Variants in SPSB4 observed in about 807,000 individuals in gnomAD.
SPSB4 encodes SPRY domain-containing SOCS box protein 4.
Under a neutral mutation model 20.9 loss-of-function variants are expected in SPSB4, and 21 were observed. The ratio of observed to expected loss-of-function variants is 1.01; its 90% CI spans 0.71 to 1.45. The LOEUF (loss-of-function observed/expected upper bound fraction) is 1.45, where lower values mean the gene tolerates loss of function less well. Ranked by LOEUF, SPSB4 falls within the 40% of genes most tolerant of loss-of-function variation. SPSB4 has a pLI of 0.00. For missense variants in SPSB4, 399 were observed against 399.2 expected (o/e 1.00, Z 0.00); for synonymous variants, 207 against 183.8 (o/e 1.13, Z -1.02).
intron 2 of SPSB4, among the ~76,000 whole-genome samples, chr3:141,127,906 G>T (rs1294419336): frequency 1.3e-5 from 2 of 152,186 alleles, no homozygotes; most frequent in African/African-American, 4.8e-5. Flanking sequence ...GAAGCTCTTT[G>T]TTCCCAGTTC....
intron 2 of SPSB4, among the ~76,000 whole-genome samples, chr3:141,093,094 G>T (rs746590471): frequency 2.0e-5 from 3 of 152,076 alleles, no homozygotes; most frequent in Admixed American, 6.5e-5. Flanking sequence ...GGTGTCAGGA[G>T]CCCTATACCT....
At chr3:141,055,291 T>C (rs994007197) in intron 1 of SPSB4, among the ~76,000 whole-genome samples, 6 of 151,994 alleles carry the variant, frequency 3.9e-5, no homozygotes, top group African/African-American at 1.5e-4. Flanking sequence ...CAGTTCTGCT[T>C]CTGCTAGAAG....
chr3:141,135,659 A>G (rs1939215298), intron 2 of SPSB4, among the ~76,000 whole-genome samples: 1 of 152,144 alleles, frequency 6.6e-6, no homozygotes, highest in Non-Finnish European at 1.5e-5. Flanking sequence ...ATTTCCCTAC[A>G]AAGGACATGA....
intron 1 of SPSB4, among the ~76,000 whole-genome samples, chr3:141,065,211 C>T (rs571998837): frequency 6.6e-6 from 1 of 152,222 alleles, no homozygotes; most frequent in African/African-American, 2.4e-5. Flanking sequence ...GCCTGGACAC[C>T]GGCTCCCTTA....
intron 2 of SPSB4, among the ~76,000 whole-genome samples, chr3:141,073,910 G>T (rs1938053479): frequency 1.3e-5 from 2 of 152,294 alleles, no homozygotes; most frequent in African/African-American, 2.4e-5. Context: ...TTCAGAAACT[G>T]CCCCCTACCC....
rs374045968 is a variant in SPSB4, at chr3:141,113,848, C to T, written c.695-33294C>T. Among the ~76,000 whole-genome samples the T allele has an allele frequency of 5.3e-5, 8 of 152,332 alleles. No homozygotes were observed. In the East Asian group the frequency reaches 1.3e-3, roughly 26 times the overall value. On this transcript the variant is annotated intron_variant, in intron 2 of 2. Transcript: ENST00000310546. ...TGGTGGCTCACGACTGTAATCTCAG[C>T]ATTTTGGGAGGCCAAGGCGGGCAGA...
chr3:141,081,374 C>T (rs1938226404), intron 2 of SPSB4, among the ~76,000 whole-genome samples: 1 of 152,108 alleles, frequency 6.6e-6, no homozygotes, highest in African/African-American at 2.4e-5. Flanking sequence ...CTGAGGAGCC[C>T]CAGAGAGAGA....
intron 2 of SPSB4, among the ~76,000 whole-genome samples, chr3:141,087,759 G>A (rs1197955229): frequency 6.6e-6 from 1 of 152,166 alleles, no homozygotes; most frequent in African/African-American, 2.4e-5. Context: ...AGGCAAATGC[G>A]GGCAGGGCAG....
chr3:141,071,168 C>T (rs1023818355), intron 2 of SPSB4, among the ~76,000 whole-genome samples: 1 of 152,266 alleles, frequency 6.6e-6, no homozygotes, highest in Admixed American at 6.5e-5. Context: ...AATGTCTCGA[C>T]TGCTGTGAGG....
chr3:141,072,051 T>C (rs1451713921), intron 2 of SPSB4, among the ~76,000 whole-genome samples: 1 of 152,252 alleles, frequency 6.6e-6, no homozygotes, highest in Middle Eastern at 3.2e-3. Context: ...CCAGGACATC[T>C]GGACTTGGCC....
chr3:141,146,587 A>T (rs2107810145), intron 2 of SPSB4, among the ~76,000 whole-genome samples: 1 of 152,234 alleles, frequency 6.6e-6, no homozygotes, highest in African/African-American at 2.4e-5. Flanking sequence ...CATCCTGGCT[A>T]ACACAGTGAA....
intron 1 of SPSB4, among the ~76,000 whole-genome samples, chr3:141,063,547 A>AT (rs1420419016): frequency 1.3e-5 from 2 of 152,114 alleles, no homozygotes; most frequent in Non-Finnish European, 2.9e-5. Flanking sequence ...GCCAAAATGG[A>AT]TTTAATCTTT....
rs889304149 is a variant in SPSB4, at chr3:141,066,188, T to G, written c.84T>G (p.Gly28=). The change falls in exon 2 of 3, where the codon GGT becomes GGG. Residue 28 remains glycine (G), a synonymous_variant. Coordinates refer to ENST00000310546, the MANE Select transcript of SPSB4 (RefSeq NM_080862.3). ...GGCCGGCCAAGCGGGAGCTGCGGGG[T>G]GCAGAGCCCGGGCGGCCGGCGCGGC... ...ALRPAKRELR[G]AEPGRPARLD... is the part of the protein sequence containing the mutation. The G allele has an allele frequency of 1.3e-6, 2 of 1,531,632 alleles. No individual in the cohort carries two copies. Among genetic ancestry groups the G allele is most frequent in the African/African-American group, 2.8e-5 (2 of 70,740 alleles). The allele number at this position is 1,531,632 out of a possible 1,614,324, so 94.9% of individuals were successfully genotyped here. A position where few individuals can be genotyped will look rare whatever the true frequency, so the allele number is the denominator to read the frequency against.
At chr3:141,138,634 A>T (rs181022081) in intron 2 of SPSB4, among the ~76,000 whole-genome samples, 1 of 151,702 alleles carries the variant, frequency 6.6e-6, no homozygotes, top group Non-Finnish European at 1.5e-5. Flanking sequence ...TTTCCATGCA[A>T]TTGAGTGGTT....
chr3:141,056,927 C>T (rs1937656493), intron 1 of SPSB4, among the ~76,000 whole-genome samples: 1 of 152,250 alleles, frequency 6.6e-6, no homozygotes, highest in African/African-American at 2.4e-5. Flanking sequence ...TAGCAAACCT[C>T]CTTCATCCCA....
chr3:141,054,380 C>T (rs1159936544), intron 1 of SPSB4, among the ~76,000 whole-genome samples: 1 of 152,134 alleles, frequency 6.6e-6, no homozygotes, highest in Non-Finnish European at 1.5e-5. Flanking sequence ...TGAACATGAC[C>T]ATCTGTGGTA....
intron 2 of SPSB4, among the ~76,000 whole-genome samples, chr3:141,135,365 C>A (rs1939209076): frequency 8.6e-6 from 1 of 116,548 alleles, no homozygotes; most frequent in Admixed American, 1.0e-4. Flanking sequence ...TATTATTATA[C>A]CTTAAGTTTT....
intron 1 of SPSB4, 50 bp from the exon 2 acceptor site, chr3:141,065,902 A>C (rs778327563): frequency 8.1e-5 from 42 of 515,738 alleles, no homozygotes; most frequent in Non-Finnish European, 1.3e-4. Flanking sequence ...GGGATTGGCA[A>C]CTGGCTGCTG....
chr3:141,066,246 C>T lies in SPSB4; in HGVS notation c.142C>T (p.Leu48=). The T allele has an allele frequency of 6.5e-7, 1 of 1,530,770 alleles. No homozygotes were observed. Among genetic ancestry groups the T allele is most frequent in the Non-Finnish European group, 8.8e-7 (1 of 1,140,150 alleles). 94.8% of individuals were successfully genotyped at this position (1,530,770 alleles called of 1,614,324 possible). The change falls in exon 2 of 3, where the codon CTG becomes TTG. Residue 48 remains leucine (L), a synonymous_variant. Coordinates refer to ENST00000310546, the MANE Select transcript of SPSB4 (RefSeq NM_080862.3). ...GCTGTTGGACATGCCAGCGGCGGGG[C>T]TGGCTGTGCAGCTGCGGCACGCGTG... ...DQLLDMPAAG[L]AVQLRHAWNP... is the part of the protein sequence containing the mutation.
Sources: gnomAD v4.1 joint callset for allele counts (sites outside exome capture counted in the v4.1 genomes callset) on GRCh38, gnomAD v4.1.1 for gene constraint, MANE v1.5 for transcripts, NCBI Gene and HGNC (gene_info 2026-07-23, HGNC 2026-07-21) for gene names.